Variants in ADAM9 observed in about 807,000 individuals in gnomAD.
ADAM9 encodes the protein ADAM metallopeptidase domain 9.
In ADAM9, 54 loss-of-function variants were observed where a neutral mutation model predicts 108.1. The ratio of observed to expected loss-of-function variants is 0.50; its 90% confidence interval spans 0.40 to 0.63. ADAM9 has a LOEUF of 0.63. Among genes scored for constraint, ADAM9 ranks in the 20% least tolerant of loss-of-function variants. The pLI is 0.00. For missense variants in ADAM9, 830 were observed against 997.7 expected, an observed-to-expected ratio of 0.83 and a Z score of 2.26; for synonymous variants, 316 against 336.0, an observed-to-expected ratio of 0.94 and a Z score of 0.65.
Position 39,045,096 on chromosome 8 carries a change from G to A in ADAM9, c.1302+2979G>A, listed in dbSNP as rs553254026. On this transcript the variant is annotated intron_variant, in intron 12 of 21. Coordinates refer to ENST00000487273, the MANE Select transcript of ADAM9 (RefSeq NM_003816.3). Reference sequence around the variant, plus strand: ...TATGTGTGTGTGCATACATACATATGTGTGTGTGCATACATACATATGTGT... The same window carrying A: ...TATGTGTGTGTGCATACATACATATATGTGTGTGCATACATACATATGTGT... 0.011 allele frequency among the ~76,000 whole-genome samples: 166 copies of A among 15,444 alleles called. 30 individuals are homozygous for A. The East Asian group carries it at 0.12, about 11-fold the overall frequency. 10.1% of individuals were successfully genotyped at this position (15,444 alleles called of 152,430 possible). A position where few individuals can be genotyped will look rare whatever the true frequency, so the allele number is the denominator to read the frequency against.
At chr8:39,038,953 T>C (rs1837369538) in intron 11 of ADAM9, among the ~76,000 whole-genome samples, 1 of 144,770 alleles carries the variant, frequency 6.9e-6, no homozygotes, top group African/African-American at 2.9e-5. Context: ...ATCTAGATAC[T>C]TTTTTTGTTT....
At chr8:39,041,612 G>C (rs1177664269) in intron 11 of ADAM9, among the ~76,000 whole-genome samples, 1 of 152,172 alleles carries the variant, frequency 6.6e-6, no homozygotes, top group Non-Finnish European at 1.5e-5. Flanking sequence ...TACTGTGTTA[G>C]ATAAATAAAA....
rs6981479 is a variant in ADAM9, at chr8:39,026,946, A to G, written c.1130+136A>G. Reference sequence around the variant, plus strand: ...TTTGCTGAAATTAATTGCATGACATACCAATGAGAAGTCTTTTTTTTTTTT... The same window carrying G: ...TTTGCTGAAATTAATTGCATGACATGCCAATGAGAAGTCTTTTTTTTTTTT... On this transcript the variant is annotated intron_variant, in intron 11 of 21. Transcript: ENST00000487273. 9.0e-3 allele frequency: 10,106 copies of G among 1,117,032 alleles called. 684 individuals carry two copies. In the African/African-American group the frequency reaches 0.14, roughly 16 times the overall value. 69.2% of individuals were successfully genotyped at this position (1,117,032 alleles called of 1,614,324 possible). A position where few individuals can be genotyped will look rare whatever the true frequency, so the allele number is the denominator to read the frequency against.
At chr8:39,097,254 G>T (rs938162974) in intron 20 of ADAM9, among the ~76,000 whole-genome samples, 9 of 151,456 alleles carry the variant, frequency 5.9e-5, no homozygotes, top group African/African-American at 2.2e-4. Context: ...GTGGAGGTTT[G>T]CTAGTTTCTA....
chr8:39,104,944 G>A lies in ADAM9; in HGVS notation c.*1244G>A, dbSNP rs1588444289. ...AGTTTTTTAAAAGTGTTTTTGGTTTGTGTATATATACATATACAAATACAA... is the reference window on the plus strand; with the variant it reads ...AGTTTTTTAAAAGTGTTTTTGGTTTATGTATATATACATATACAAATACAA... On this transcript the variant is annotated 3_prime_UTR_variant, in exon 22 of 22. Transcript: ENST00000487273. The A allele has an allele frequency of 9.3e-6, 4 of 430,378 alleles. No homozygotes were observed. Among genetic ancestry groups the A allele is most frequent in the South Asian group, 1.7e-5 (1 of 58,482 alleles). 26.7% of individuals were successfully genotyped at this position (430,378 alleles called of 1,614,324 possible). A position where few individuals can be genotyped will look rare whatever the true frequency, so the allele number is the denominator to read the frequency against.
chr8:39,050,831 T>G (rs1033710291), intron 12 of ADAM9, among the ~76,000 whole-genome samples: 2 of 14,220 alleles, frequency 1.4e-4, no homozygotes, highest in South Asian at 1.5e-3. Context: ...CTTGGAAGTG[T>G]TTTTTTTTTT....
chr8:39,050,240 T>C (rs754697259), intron 12 of ADAM9, among the ~76,000 whole-genome samples: 14 of 152,218 alleles, frequency 9.2e-5, no homozygotes, highest in Admixed American at 8.5e-4. Flanking sequence ...GGTGTTGATT[T>C]CTTTAGATTC....
chr8:39,030,366 A>G (rs1037390508), intron 11 of ADAM9, among the ~76,000 whole-genome samples: 3 of 152,042 alleles, frequency 2.0e-5, no homozygotes. Flanking sequence ...TTGCCTTTTC[A>G]TATTGGCTTC....
Position 39,074,096 on chromosome 8 carries a change from C to T in ADAM9, c.1697+2693C>T, listed in dbSNP as rs1838781022. 2.6e-5 allele frequency among the ~76,000 whole-genome samples: 4 copies of T among 152,122 alleles called. No homozygotes were observed. The South Asian group carries it at 8.3e-4, about 31-fold the overall frequency. ...TCATTGTCACATTCATCATCATCAT[C>T]ACTATTTTTGTTGTCATCCTCCTTG... On this transcript the variant is annotated intron_variant, in intron 15 of 21. Transcript: ENST00000487273.
chr8:39,009,958 A>AACAAC (rs1836298474), intron 2 of ADAM9, among the ~76,000 whole-genome samples: 1 of 48,764 alleles, frequency 2.1e-5, no homozygotes, highest in East Asian at 8.4e-4. Flanking sequence ...ACAACAACAA[A>AACAAC]AACAAACCCC....
chr8:39,056,687 T>C (rs1838134388), intron 14 of ADAM9, among the ~76,000 whole-genome samples: 1 of 152,188 alleles, frequency 6.6e-6, no homozygotes, highest in African/African-American at 2.4e-5. Flanking sequence ...CTCTCTCTTT[T>C]GGTTTGGTTA....
In ADAM9 at chr8:39,105,082, A is replaced by G. The variant is rs1439559867; in HGVS notation, c.*1382A>G. 2.5e-6 allele frequency: 1 copy of G among 404,848 alleles called. No homozygotes were observed. The allele number at this position is 404,848 out of a possible 1,614,324, so 25.1% of individuals were successfully genotyped here. On this transcript the variant is annotated 3_prime_UTR_variant, in exon 22 of 22. Coordinates refer to ENST00000487273, the MANE Select transcript of ADAM9 (RefSeq NM_003816.3). ...AGTTATAATTTTAGATAAAAATTCT[A>G]GTCAAATTTTTACAGATATTATCTC... is the stretch of plus-strand genomic sequence containing the variant.
At chr8:39,095,056 C>T (rs1172811716) in intron 20 of ADAM9, among the ~76,000 whole-genome samples, 1 of 152,048 alleles carries the variant, frequency 6.6e-6, no homozygotes, top group Non-Finnish European at 1.5e-5. Flanking sequence ...CTATAAACTT[C>T]CCCCTTAGAA....
At chr8:39,053,992 G>A (rs1391708859) in intron 12 of ADAM9, among the ~76,000 whole-genome samples, 2 of 152,138 alleles carry the variant, frequency 1.3e-5, no homozygotes, top group African/African-American at 4.8e-5. Flanking sequence ...TAAGGATGGG[G>A]CCCTGATCCA....
intron 11 of ADAM9, among the ~76,000 whole-genome samples, chr8:39,039,697 C>T (rs192416662): frequency 6.6e-6 from 1 of 152,288 alleles, no homozygotes; most frequent in East Asian, 1.9e-4. Context: ...CCTCCAGGTT[C>T]CTCCATGTTG....
At chr8:39,021,788 C>T in intron 8 of ADAM9, 74 bp downstream of exon 8, 1 of 1,355,258 alleles carries the variant, frequency 7.4e-7, no homozygotes. Context: ...TTAAAAATGT[C>T]TCATTTTGAG....
At chr8:39,040,448 T>G (rs1462980715) in intron 11 of ADAM9, among the ~76,000 whole-genome samples, 1 of 152,230 alleles carries the variant, frequency 6.6e-6, no homozygotes. Flanking sequence ...ATTGAGCATC[T>G]TTTCATGCAC....
intron 15 of ADAM9, 79 bp from the exon 16 acceptor site, chr8:39,077,149 A>G: frequency 6.8e-7 from 1 of 1,464,276 alleles, no homozygotes; most frequent in African/African-American, 1.4e-5. Flanking sequence ...AACTCTGTCC[A>G]TATGCAAATA....
At chr8:39,069,079 G>A (rs1414787567) in intron 14 of ADAM9, among the ~76,000 whole-genome samples, 2 of 151,992 alleles carry the variant, frequency 1.3e-5, no homozygotes, top group African/African-American at 4.8e-5. Context: ...TCTTATCTCC[G>A]AGGAATTCTA....
Sources: allele counts gnomAD v4.1 joint callset (sites outside exome capture counted in the v4.1 genomes callset), GRCh38; gene constraint gnomAD v4.1.1; transcripts MANE v1.5; gene names NCBI Gene and HGNC (gene_info 2026-07-23, HGNC 2026-07-21).